CCDC192: variants seen among roughly 807,000 people sequenced by gnomAD.
CCDC192 encodes coiled-coil domain containing 192, also known as coiled-coil domain-containing protein 192.
At chr5:127,804,363 G>A (rs1034053165) in intron 5 of CCDC192, among the ~76,000 whole-genome samples, 1 of 152,202 alleles carries the variant, frequency 6.6e-6, no homozygotes, top group Non-Finnish European at 1.5e-5. Flanking sequence ...GCTACTAGCT[G>A]AGGAGTGGAC....
At chr5:127,772,779 G>A (rs1280667253) in intron 3 of CCDC192, among the ~76,000 whole-genome samples, 1 of 152,166 alleles carries the variant, frequency 6.6e-6, no homozygotes, top group Non-Finnish European at 1.5e-5. Flanking sequence ...GGCTGGACAA[G>A]GCCAAGCTCT....
At chr5:127,910,052 A>T (rs17164527) in intron 6 of CCDC192, among the ~76,000 whole-genome samples, 3,759 of 152,316 alleles carry the variant, frequency 0.025, 157 homozygotes, top group African/African-American at 0.083. Context: ...TAGACAAAAC[A>T]GGCCAAGTGC....
chr5:127,857,834 G>C (rs1188280174), intron 5 of CCDC192: 1 of 152,130 alleles, frequency 6.6e-6, no homozygotes, highest in Non-Finnish European at 1.5e-5. Flanking sequence ...ATTGCATGGA[G>C]CCCATCCACA....
At chr5:127,909,607 C>G (rs1753290282) in intron 6 of CCDC192, among the ~76,000 whole-genome samples, 2 of 151,942 alleles carry the variant, frequency 1.3e-5, no homozygotes, top group South Asian at 4.2e-4. Context: ...ACAATTCATT[C>G]ATTGTCACAT....
intron 6 of CCDC192, among the ~76,000 whole-genome samples, chr5:127,900,343 G>A (rs1480963045): frequency 6.6e-6 from 1 of 152,220 alleles, no homozygotes; most frequent in Non-Finnish European, 1.5e-5. Flanking sequence ...GAATTGGGTT[G>A]ATTCTATTAA....
chr5:127,922,949 A>G (rs1186536951), intron 6 of CCDC192, among the ~76,000 whole-genome samples: 5 of 152,224 alleles, frequency 3.3e-5, no homozygotes, highest in African/African-American at 1.2e-4. Flanking sequence ...CTAGACAGAA[A>G]AGAGAATTCT....
chr5:127,877,390 G>A (rs73347072), intron 6 of CCDC192, among the ~76,000 whole-genome samples: 4,894 of 151,698 alleles, frequency 0.032, 189 homozygotes, highest in African/African-American at 0.093. Context: ...GAAAAACATG[G>A]GTATTTATGA....
intron 5 of CCDC192, among the ~76,000 whole-genome samples, chr5:127,799,989 A>T (rs758306307): frequency 1.3e-5 from 2 of 152,146 alleles, no homozygotes; most frequent in Non-Finnish European, 2.9e-5. Context: ...TTAAATCTCA[A>T]CACAACCCAG....
In CCDC192 at chr5:127,711,937, G is replaced by A. The variant is rs1751358837; in HGVS notation, c.114+4177G>A. 3.3e-5 allele frequency among the ~76,000 whole-genome samples: 5 copies of A among 151,882 alleles called. No homozygotes were observed. In the South Asian group the frequency reaches 8.3e-4, roughly 25 times the overall value. On this transcript the variant is annotated intron_variant, in intron 2 of 6. Coordinates refer to ENST00000514853, the MANE Select transcript of CCDC192 (RefSeq NM_001317938.2). ...ACACATTTAAAGTATACAAGTTGAT[G>A]AGTTTTGATACCATGTGAAGCTACC...
chr5:127,797,146 T>C lies in CCDC192; in HGVS notation c.266T>C (p.Val89Ala), dbSNP rs1580674033. The change falls in exon 4 of 7, where the codon GTA (valine) becomes GCA (alanine). Residue 89 changes from valine to alanine, a missense_variant. Transcript: ENST00000514853. ...EGTKSKLLEQ[V>A]SRLEEKLEAV... ...ACAAAATCAAAACTGCTTGAACAAG[T>C]ATCCCGGCTGGAGGAAAAACTGGAG... The C allele has an allele frequency of 2.5e-6, 1 of 398,430 alleles. No individual in the cohort carries two copies. The highest frequency in any genetic ancestry group is 1.3e-4 in the South Asian group (1 of 7,856). The allele number at this position is 398,430 out of a possible 1,614,324, so 24.7% of individuals were successfully genotyped here.
intron 6 of CCDC192, among the ~76,000 whole-genome samples, chr5:127,921,162 A>AGGAGAGGAAAGGATAGG (rs553075781): frequency 7.0e-6 from 1 of 142,142 alleles, no homozygotes; most frequent in African/African-American, 2.9e-5. Flanking sequence ...GAAAGGAGAA[A>AGGAGAGGAAAGGATAGG]AGAAAAGAAA....
At chr5:127,743,654 A>G (rs1753562939) in intron 2 of CCDC192, among the ~76,000 whole-genome samples, 1 of 152,180 alleles carries the variant, frequency 6.6e-6, no homozygotes, top group Admixed American at 6.5e-5. Flanking sequence ...GTTTGTTCAC[A>G]TTTCTAATTT....
intron 5 of CCDC192, among the ~76,000 whole-genome samples, chr5:127,814,437 A>C (rs1381148720): frequency 6.6e-6 from 1 of 152,154 alleles, no homozygotes; most frequent in Non-Finnish European, 1.5e-5. Flanking sequence ...GTAACCAAAG[A>C]ACTCTGCCAT....
chr5:127,760,507 G>A (rs901230443), intron 3 of CCDC192, among the ~76,000 whole-genome samples: 16 of 151,554 alleles, frequency 1.1e-4, no homozygotes, highest in Non-Finnish European at 1.9e-4. Context: ...TTCCCATCTC[G>A]CTTTAGTACC....
intron 3 of CCDC192, among the ~76,000 whole-genome samples, chr5:127,754,872 A>C (rs2126875499): frequency 6.6e-6 from 1 of 152,334 alleles, no homozygotes; most frequent in South Asian, 2.1e-4. Context: ...GCAAAGCAGC[A>C]GGTGATAAGT....
intron 2 of CCDC192, among the ~76,000 whole-genome samples, chr5:127,749,945 G>A (rs932274583): frequency 7.9e-5 from 12 of 151,914 alleles, no homozygotes; most frequent in Admixed American, 3.3e-4. Flanking sequence ...TATTTCTGTG[G>A]GATCGGTGGT....
intron 6 of CCDC192, among the ~76,000 whole-genome samples, chr5:127,927,934 G>GT (rs1195943386): frequency 7.2e-6 from 1 of 138,448 alleles, no homozygotes; most frequent in African/African-American, 2.7e-5. Context: ...TGATCTTATA[G>GT]TTCTTTTTTT....
At chr5:127,804,198 G>T (rs1448226909) in intron 5 of CCDC192, among the ~76,000 whole-genome samples, 1 of 152,176 alleles carries the variant, frequency 6.6e-6, no homozygotes, top group Non-Finnish European at 1.5e-5. Context: ...CATAACAGAG[G>T]ACATGGCCTG....
intron 5 of CCDC192, among the ~76,000 whole-genome samples, chr5:127,821,567 G>A (rs189665521): frequency 8.5e-5 from 13 of 152,294 alleles, no homozygotes; most frequent in Non-Finnish European, 1.0e-4. Flanking sequence ...AACTTTATGC[G>A]CTTGTCTCCA....
Sources: allele counts gnomAD v4.1 joint callset (sites outside exome capture counted in the v4.1 genomes callset), GRCh38; gene constraint gnomAD v4.1.1; transcripts MANE v1.5; gene names NCBI Gene and HGNC (gene_info 2026-07-23, HGNC 2026-07-21).